The following MBP variants were observed in gnomAD, a reference collection of about 807,000 sequenced individuals.
MBP encodes myelin basic protein, also known as Golli-MBP.
MBP carries 16 observed loss-of-function variants against 35.8 expected under a neutral mutation model. The ratio of observed to expected loss-of-function variants is 0.45; its 90% confidence interval spans 0.30 to 0.68. The LOEUF (loss-of-function observed/expected upper bound fraction) is 0.68. Among genes scored for constraint, MBP ranks in the 30% least tolerant of loss-of-function variants. The pLI is 0.08. For synonymous variants in MBP, 143 were observed against 159.6 expected (o/e 0.90, Z 0.78); for missense variants, 380 against 404.7 (o/e 0.94, Z 0.52).
At chr18:77,089,423 G>A (rs1453620147) in intron 2 of MBP, among the ~76,000 whole-genome samples, 1 of 152,244 alleles carries the variant, frequency 6.6e-6, no homozygotes, top group African/African-American at 2.4e-5. Flanking sequence ...ACAAAGAAGA[G>A]AAGAGGCAGG....
chr18:77,011,692 C>T (rs538021593), intron 4 of MBP, among the ~76,000 whole-genome samples: 4 of 152,334 alleles, frequency 2.6e-5, no homozygotes, highest in Middle Eastern at 3.4e-3. Context: ...GTGCTAAGCC[C>T]GCTTGTATGG....
At chr18:77,075,303 T>C (rs1974607334) in intron 2 of MBP, among the ~76,000 whole-genome samples, 1 of 152,260 alleles carries the variant, frequency 6.6e-6, no homozygotes, top group Admixed American at 6.5e-5. Context: ...TATGTTTTTG[T>C]TATAGCTAAC....
chr18:77,029,434 G>T (rs1290367887), intron 3 of MBP, among the ~76,000 whole-genome samples: 1 of 127,534 alleles, frequency 7.8e-6, no homozygotes, highest in African/African-American at 3.1e-5. Context: ...TGGGGAGAGG[G>T]AGAGGGAGGG....
chr18:77,018,444 A>C (rs1971782995), intron 3 of MBP, among the ~76,000 whole-genome samples: 1 of 112,174 alleles, frequency 8.9e-6, no homozygotes, highest in Admixed American at 1.1e-4. Flanking sequence ...GCATGCATGC[A>C]TCCATCAATT....
chr18:77,081,839 CACAT>C (rs1233042642), intron 2 of MBP, among the ~76,000 whole-genome samples: 1 of 15,124 alleles, frequency 6.6e-5, no homozygotes, highest in African/African-American at 1.3e-4. Flanking sequence ...CACACACACA[CACAT>C]ATATATATAT....
intron 3 of MBP, among the ~76,000 whole-genome samples, chr18:77,049,088 T>G (rs528097379): frequency 2.0e-4 from 30 of 151,918 alleles, no homozygotes; most frequent in African/African-American, 7.2e-4. Context: ...CCCGGCTAAT[T>G]TTTTGTATTT....
At chr18:77,036,307 T>G (rs1345809093) in intron 3 of MBP, among the ~76,000 whole-genome samples, 1 of 107,520 alleles carries the variant, frequency 9.3e-6, no homozygotes, top group Admixed American at 8.9e-5. Context: ...TTTGGAGGAC[T>G]GAGCTGAGCA....
At chr18:77,018,355 TACACATACCCACCTAC>T (rs1971768775) in intron 3 of MBP, among the ~76,000 whole-genome samples, 11 of 85,238 alleles carry the variant, frequency 1.3e-4, no homozygotes, top group East Asian at 1.1e-3. Context: ...CATCCATCCA[TACACATACCCACCTAC>T]CCATCCATCC....
intron 4 of MBP, among the ~76,000 whole-genome samples, chr18:76,992,762 C>T (rs1052579474): frequency 2.6e-5 from 4 of 152,168 alleles, no homozygotes; most frequent in African/African-American, 9.7e-5. Flanking sequence ...TCTGAGGGCC[C>T]TTCCCTCTGG....
At chr18:77,012,710 C>G (rs1971422615) in intron 4 of MBP, 1 of 882,330 alleles carries the variant, frequency 1.1e-6, no homozygotes, top group South Asian at 5.2e-5. Context: ...AAAATGCCGG[C>G]AACACAGCAC....
At chr18:77,128,904 C>G (rs925002526) in intron 1 of MBP, among the ~76,000 whole-genome samples, 10 of 152,176 alleles carry the variant, frequency 6.6e-5, no homozygotes, top group Admixed American at 1.3e-4. Flanking sequence ...TCTAGTCGAA[C>G]TCATGTGAGG....
intron 7 of MBP, chr18:76,987,954 T>C: frequency 8.6e-7 from 1 of 1,164,742 alleles, no homozygotes; most frequent in Non-Finnish European, 1.1e-6. Context: ...GCTTGATATC[T>C]ATGTTTTAAT....
At chr18:77,084,425 A>G (rs958595493) in intron 2 of MBP, among the ~76,000 whole-genome samples, 5,042 of 37,058 alleles carry the variant, frequency 0.14, 260 homozygotes, top group Admixed American at 0.19. Flanking sequence ...CCCCCGCCAC[A>G]CCACACCACA....
chr18:76,983,586 C>G (rs1434933607), intron 8 of MBP: 1 of 152,200 alleles, frequency 6.6e-6, no homozygotes, highest in Non-Finnish European at 1.5e-5. Context: ...GGAGTGGATC[C>G]TGCCTACCAC....
At chr18:77,047,740 T>C (rs1439575329) in intron 3 of MBP, among the ~76,000 whole-genome samples, 1 of 152,200 alleles carries the variant, frequency 6.6e-6, no homozygotes, top group African/African-American at 2.4e-5. Flanking sequence ...AGAAAATACA[T>C]CAGAAGATAA....
chr18:77,100,242 C>T (rs1001170261), intron 2 of MBP, among the ~76,000 whole-genome samples: 2 of 152,138 alleles, frequency 1.3e-5, no homozygotes, highest in African/African-American at 2.4e-5. Context: ...CACAGAGAGA[C>T]GACCACTGGA....
chr18:76,987,630 G>T (rs1969631319), intron 7 of MBP: 2 of 985,718 alleles, frequency 2.0e-6, no homozygotes, highest in South Asian at 4.7e-5. Flanking sequence ...TGAGCAGAAA[G>T]TGTAGGTAGG....
intron 4 of MBP, among the ~76,000 whole-genome samples, chr18:76,992,234 T>G (rs947962299): frequency 6.6e-6 from 1 of 152,120 alleles, no homozygotes; most frequent in Non-Finnish European, 1.5e-5. Flanking sequence ...GGAACGTTTT[T>G]GGGATGAAAC....
At chr18:77,065,326 G>A (rs554882563) in intron 3 of MBP, among the ~76,000 whole-genome samples, 8 of 152,202 alleles carry the variant, frequency 5.3e-5, no homozygotes, top group African/African-American at 1.7e-4. Flanking sequence ...GTTGGCTCAG[G>A]CCTCTCTTCC....
Sources: gnomAD v4.1 joint callset for allele counts (sites outside exome capture counted in the v4.1 genomes callset) on GRCh38, gnomAD v4.1.1 for gene constraint, MANE v1.5 for transcripts, NCBI Gene and HGNC (gene_info 2026-07-23, HGNC 2026-07-21) for gene names.